The following RPH3A variants were observed in gnomAD, a reference collection of about 807,000 sequenced individuals.
The protein encoded by RPH3A is rabphilin 3A, also known as rabphilin-3A.
Under a neutral mutation model 102.2 loss-of-function variants are expected in RPH3A, and 48 were observed. That is an observed-to-expected ratio of 0.47 (90% confidence interval 0.37 to 0.60). The LOEUF is 0.60. Ranked by LOEUF, RPH3A falls within the 20% of genes least tolerant of loss-of-function variation. The pLI is 0.00. For synonymous variants in RPH3A, 310 were observed against 324.3 expected (o/e 0.96, Z 0.47); for missense variants, 781 against 910.1 (o/e 0.86, Z 1.83).
intron 4 of RPH3A, among the ~76,000 whole-genome samples, chr12:112,837,162 C>T (rs1272315723): frequency 5.3e-5 from 8 of 152,188 alleles, no homozygotes; most frequent in Admixed American, 4.6e-4. Flanking sequence ...TTACCTCTCT[C>T]CCCGCAATCA....
At chr12:112,681,305 C>CT (rs1185125428) in intron 1 of RPH3A, among the ~76,000 whole-genome samples, 2 of 152,264 alleles carry the variant, frequency 1.3e-5, no homozygotes, top group Admixed American at 1.3e-4. Context: ...CCCTGCATCT[C>CT]TGCTTCAGAT....
chr12:112,835,665 C>T (rs183530324), intron 3 of RPH3A, among the ~76,000 whole-genome samples: 86 of 152,326 alleles, frequency 5.6e-4, no homozygotes, highest in Non-Finnish European at 9.1e-4. Flanking sequence ...CTAATGCAGA[C>T]ACTTATAATG....
At chr12:112,786,858 C>T (rs1313128552), upstream of RPH3A, among the ~76,000 whole-genome samples, 1 of 152,158 alleles carries the variant, frequency 6.6e-6, no homozygotes, top group African/African-American at 2.4e-5. Context: ...GATTAATTAT[C>T]TTACAGTCCT....
chr12:112,817,747 G>T (rs773674288), intron 2 of RPH3A, among the ~76,000 whole-genome samples: 3 of 152,098 alleles, frequency 2.0e-5, no homozygotes, highest in African/African-American at 4.8e-5. Context: ...TCGTTGTAAG[G>T]TCTCAGCGGG....
intron 1 of RPH3A, among the ~76,000 whole-genome samples, chr12:112,593,098 C>G (rs1010485057): frequency 1.3e-5 from 2 of 152,106 alleles, no homozygotes; most frequent in Non-Finnish European, 2.9e-5. Flanking sequence ...AGAGTGGTGC[C>G]CTTATGAATG....
chr12:112,635,064 T>A (rs1156720888), intron 1 of RPH3A, among the ~76,000 whole-genome samples: 1 of 152,190 alleles, frequency 6.6e-6, no homozygotes, highest in Non-Finnish European at 1.5e-5. Context: ...TAATAAATAA[T>A]ACAGTAGGTC....
chr12:112,664,972 A>C (rs2040074691), intron 1 of RPH3A, among the ~76,000 whole-genome samples: 1 of 152,054 alleles, frequency 6.6e-6, no homozygotes, highest in Non-Finnish European at 1.5e-5. Flanking sequence ...GAATTTGTGG[A>C]TAAATACCCC....
intron 1 of RPH3A, among the ~76,000 whole-genome samples, chr12:112,612,171 G>C (rs965757920): frequency 5.9e-5 from 9 of 152,270 alleles, no homozygotes; most frequent in South Asian, 2.1e-4. Context: ...ATATTTTTTG[G>C]GGGGGTGGGC....
chr12:112,697,556 G>GC (rs762167200), intron 1 of RPH3A, among the ~76,000 whole-genome samples: 2 of 152,056 alleles, frequency 1.3e-5, no homozygotes, highest in Admixed American at 1.3e-4. Flanking sequence ...TGATTTACAG[G>GC]CTTAATCTTC....
intron 1 of RPH3A, among the ~76,000 whole-genome samples, chr12:112,615,339 C>A (rs1461114274): frequency 6.6e-6 from 1 of 152,194 alleles, no homozygotes; most frequent in Non-Finnish European, 1.5e-5. Flanking sequence ...CTGGCACCAC[C>A]TCCTTGGGGC....
chr12:112,818,363 G>A (rs1004223057), intron 2 of RPH3A, among the ~76,000 whole-genome samples: 28 of 147,500 alleles, frequency 1.9e-4, no homozygotes, highest in African/African-American at 6.5e-4. Flanking sequence ...TTGGTCCATA[G>A]TAGCCCAAAA....
At chr12:112,633,478 C>T (rs867761511) in intron 1 of RPH3A, among the ~76,000 whole-genome samples, 1 of 152,154 alleles carries the variant, frequency 6.6e-6, no homozygotes, top group South Asian at 2.1e-4. Context: ...GGGACTGGGA[C>T]TGGTGGCCTT....
At chr12:112,649,095 G>C (rs1207053650) in intron 1 of RPH3A, among the ~76,000 whole-genome samples, 3 of 152,218 alleles carry the variant, frequency 2.0e-5, no homozygotes, top group Admixed American at 2.0e-4. Context: ...TTACAGGCAT[G>C]GGCCAGCACG....
At chr12:112,773,964 C>T (rs977312679) in intron 1 of RPH3A, among the ~76,000 whole-genome samples, 1 of 150,652 alleles carries the variant, frequency 6.6e-6, no homozygotes, top group African/African-American at 2.5e-5. Context: ...TGCCTGTAAT[C>T]CCAGCTACTA....
intron 2 of RPH3A, among the ~76,000 whole-genome samples, chr12:112,811,344 G>A (rs1169283161): frequency 6.6e-6 from 1 of 152,044 alleles, no homozygotes; most frequent in Non-Finnish European, 1.5e-5. Context: ...AATAGCATGA[G>A]GCCTTTATTC....
chr12:112,726,713 C>T (rs1334077467), intron 1 of RPH3A, among the ~76,000 whole-genome samples: 1 of 152,114 alleles, frequency 6.6e-6, no homozygotes, highest in East Asian at 1.9e-4. Context: ...TTTTAGTTTG[C>T]ATCTCTAAAA....
At chr12:112,868,652 T>G in intron 8 of RPH3A, 57 bp downstream of exon 8, 1 of 1,554,600 alleles carries the variant, frequency 6.4e-7, no homozygotes, top group Non-Finnish European at 8.7e-7. Flanking sequence ...CCAACTGGTC[T>G]ACCTGAGGGA....
chr12:112,872,874 C>T (rs539739658), intron 10 of RPH3A, among the ~76,000 whole-genome samples: 54 of 152,332 alleles, frequency 3.5e-4, no homozygotes, highest in African/African-American at 1.2e-3. Flanking sequence ...CCACCTGCTC[C>T]ACCTTGAGTT....
At chr12:112,793,856 A>G (rs2041174895) in intron 2 of RPH3A, among the ~76,000 whole-genome samples, 1 of 151,936 alleles carries the variant, frequency 6.6e-6, no homozygotes, top group South Asian at 2.1e-4. Flanking sequence ...TGGATTATGG[A>G]GAGGTTTGGG....
Sources: allele counts gnomAD v4.1 joint callset (sites outside exome capture counted in the v4.1 genomes callset), GRCh38; gene constraint gnomAD v4.1.1; transcripts MANE v1.5; gene names NCBI Gene and HGNC (gene_info 2026-07-23, HGNC 2026-07-21).